The following DCAF5 variants were observed in gnomAD, a reference collection of about 807,000 sequenced individuals.
The protein encoded by DCAF5 is DDB1 and CUL4 associated factor 5.
DCAF5 carries 9 observed loss-of-function variants against 80.7 expected under a neutral mutation model. The observed-to-expected ratio is 0.11, with a 90% CI of 0.07 to 0.19. The LOEUF is 0.19. Ranked by LOEUF, DCAF5 falls within the 10% of genes least tolerant of loss-of-function variation. The pLI is 1.00. For synonymous variants in DCAF5, 433 were observed against 461.9 expected, an observed-to-expected ratio of 0.94 and a Z score of 0.80; for missense variants, 842 against 1,205.7, an observed-to-expected ratio of 0.70 and a Z score of 4.47.
At chr14:69,122,473 T>C (rs1395849532) in intron 1 of DCAF5, 113 bp from the exon 2 acceptor site, 2 of 1,162,106 alleles carry the variant, frequency 1.7e-6, no homozygotes, top group African/African-American at 1.5e-5. Flanking sequence ...CCCAACTCCA[T>C]AAGATTCGCA....
At chr14:69,082,186 C>T (rs1594962541) in intron 6 of DCAF5, among the ~76,000 whole-genome samples, 1 of 152,176 alleles carries the variant, frequency 6.6e-6, no homozygotes. Context: ...CCATTTATAA[C>T]CAGTGCTTGC....
rs764569221 is a variant in DCAF5 at position 69,054,750 on chromosome 14, G to A, written c.1936C>T (p.Arg646Trp). The A allele has an allele frequency of 1.7e-5, 28 of 1,614,090 alleles. No individual in the cohort carries two copies. Among genetic ancestry groups the A allele is most frequent in the East Asian group, 2.2e-5 (1 of 44,892 alleles). The change falls in exon 9 of 9, where the codon CGG becomes TGG. Residue 646 changes from arginine to tryptophan, a missense_variant. By Grantham distance (101) the Arg-to-Trp change is moderately radical. This residue lies in a region of DCAF5 where 607 missense variants were observed against 656.6 expected (regional missense o/e 0.92). Coordinates refer to ENST00000341516, the MANE Select transcript of DCAF5 (RefSeq NM_003861.3). ...STSTLEIQPS[R>W]ASPTSDIESV... ...TCTATGTCAGAAGTTGGTGATGCCC[G>A]GCTTGGTTGAATCTCTAGCGTGGAA...
At chr14:69,151,210 G>A (rs187135448) in intron 1 of DCAF5, among the ~76,000 whole-genome samples, 1 of 152,186 alleles carries the variant, frequency 6.6e-6, no homozygotes, top group East Asian at 1.9e-4. Flanking sequence ...GAAAGATCAG[G>A]TTTCTTCAGA....
intron 7 of DCAF5, among the ~76,000 whole-genome samples, chr14:69,065,907 T>G (rs1327796167): frequency 2.0e-5 from 3 of 152,164 alleles, no homozygotes; most frequent in Non-Finnish European, 4.4e-5. Flanking sequence ...TTCAGGGTCA[T>G]CTCTTAAGAC....
chr14:69,102,765 A>G (rs1382498468), intron 5 of DCAF5, among the ~76,000 whole-genome samples: 2 of 152,138 alleles, frequency 1.3e-5, no homozygotes, highest in African/African-American at 2.4e-5. Context: ...ATACCTCCTG[A>G]AGGACCTGCC....
intron 4 of DCAF5, among the ~76,000 whole-genome samples, chr14:69,116,837 A>C (rs1453196892): frequency 1.3e-5 from 2 of 152,202 alleles, no homozygotes; most frequent in African/African-American, 4.8e-5. Context: ...GAGCTGAAAA[A>C]ATTCACAACC....
intron 1 of DCAF5, among the ~76,000 whole-genome samples, chr14:69,143,135 A>C (rs10149232): frequency 0.3 from 46,322 of 152,086 alleles, 9,410 homozygotes; most frequent in East Asian, 0.91. Flanking sequence ...TACTGGCTCC[A>C]AGTCCACTCC....
At chr14:69,098,062 C>T (rs1294914476) in intron 5 of DCAF5, among the ~76,000 whole-genome samples, 2 of 152,108 alleles carry the variant, frequency 1.3e-5, no homozygotes, top group Non-Finnish European at 2.9e-5. Context: ...GAGTAAAAAC[C>T]AAATTCCTTA....
chr14:69,075,156 C>G (rs752888814), intron 7 of DCAF5, among the ~76,000 whole-genome samples, 189 bp downstream of exon 7: 6 of 152,070 alleles, frequency 3.9e-5, no homozygotes, highest in Non-Finnish European at 5.9e-5. Flanking sequence ...TCATTTATGT[C>G]AGATAAGACT....
chr14:69,083,596 G>T, intron 6 of DCAF5: 2 of 503,284 alleles, frequency 4.0e-6, no homozygotes, highest in Admixed American at 2.8e-5. Flanking sequence ...CTTATCAGAT[G>T]CTCAAAATGG....
chr14:69,107,440 C>G (rs2040200923), intron 5 of DCAF5, among the ~76,000 whole-genome samples: 1 of 152,170 alleles, frequency 6.6e-6, no homozygotes, highest in Non-Finnish European at 1.5e-5. Flanking sequence ...CCACCCCAAA[C>G]CAACAACTCA....
intron 6 of DCAF5, among the ~76,000 whole-genome samples, chr14:69,079,027 T>TAA (rs1262224146): frequency 3.9e-5 from 6 of 152,300 alleles, no homozygotes; most frequent in Non-Finnish European, 8.8e-5. Flanking sequence ...CATTTCCTGT[T>TAA]ACGTTACACG....
In DCAF5 at chr14:69,055,010, G is replaced by A; in HGVS notation, c.1676C>T (p.Ser559Phe). ...RPRSPSPEDE[S>F]SSSSSSSSSE... Reference sequence around the variant, plus strand: ...GCTGCTAGAGCTGCTGGAACTGCTGGATTCATCTTCGGGGCTGGGTGACCG... The same window carrying A: ...GCTGCTAGAGCTGCTGGAACTGCTGAATTCATCTTCGGGGCTGGGTGACCG... The change falls in exon 9 of 9, where the codon TCC becomes TTC. Residue 559 changes from serine (S) to phenylalanine (F), a missense_variant. Ser to Phe is a radical substitution (Grantham distance 155). This residue lies in a region of DCAF5 where 607 missense variants were observed against 656.6 expected (regional missense o/e 0.92). Transcript: ENST00000341516. This position sits in a 1 kb window ranked among gnomAD's most constrained non-coding sequence, Gnocchi z 5.6. 6.2e-7 allele frequency: 1 copy of A among 1,614,222 alleles called. No homozygotes were observed.
chr14:69,092,004 T>C, intron 5 of DCAF5, 117 bp from the exon 6 acceptor site: 1 of 842,732 alleles, frequency 1.2e-6, no homozygotes, highest in Non-Finnish European at 1.9e-6. Context: ...AGCAAAAGGA[T>C]ATTTCTGTGC....
In DCAF5 at chr14:69,136,044, TAAGG is replaced by T. The variant is rs140766678; in HGVS notation, c.215-13688_215-13685del. Reference sequence around the variant, plus strand: ...ACTTCTACTTGTTTTGGTACAGTATTAAGGAAGAATATACAGTTATCTAAGACAT... The same window carrying T: ...ACTTCTACTTGTTTTGGTACAGTATTAAGAATATACAGTTATCTAAGACAT... On this transcript the variant is annotated intron_variant, in intron 1 of 8. Coordinates refer to ENST00000341516, the MANE Select transcript of DCAF5 (RefSeq NM_003861.3). 5.9e-3 allele frequency among the ~76,000 whole-genome samples: 894 copies of T among 152,076 alleles called. 3 individuals are homozygous for T. The highest frequency in any genetic ancestry group is 0.019 in the African/African-American group (768 of 41,486).
intron 1 of DCAF5, among the ~76,000 whole-genome samples, chr14:69,140,379 T>C (rs1280774086): frequency 6.6e-6 from 1 of 152,158 alleles, no homozygotes; most frequent in African/African-American, 2.4e-5. Context: ...GGGCCAACTT[T>C]TACTCCAAAT....
chr14:69,148,709 A>G (rs2041618262), intron 1 of DCAF5, among the ~76,000 whole-genome samples: 1 of 152,180 alleles, frequency 6.6e-6, no homozygotes, highest in Admixed American at 6.5e-5. Context: ...ACCGCCCAAA[A>G]AAAAAGTAAT....
At chr14:69,080,579 A>G (rs1489882628) in intron 6 of DCAF5, among the ~76,000 whole-genome samples, 3 of 152,180 alleles carry the variant, frequency 2.0e-5, no homozygotes, top group African/African-American at 7.2e-5. Flanking sequence ...TCTAATTTCA[A>G]ATAGTACCTG....
At chr14:69,073,763 C>T (rs72718285) in intron 7 of DCAF5, among the ~76,000 whole-genome samples, 5,845 of 152,260 alleles carry the variant, frequency 0.038, 162 homozygotes, top group Non-Finnish European at 0.059. Flanking sequence ...AGAGAATAGT[C>T]CTGGGGAGAA....
Sources: allele counts gnomAD v4.1 joint callset (sites outside exome capture counted in the v4.1 genomes callset), GRCh38; gene constraint gnomAD v4.1.1; regional missense constraint gnomAD v4.1.1; non-coding constraint Gnocchi (gnomAD v3.1); transcripts MANE v1.5; gene names NCBI Gene and HGNC (gene_info 2026-07-23, HGNC 2026-07-21).